The following EIF3A variants were observed in gnomAD, a reference collection of about 807,000 sequenced individuals.
EIF3A encodes EIF3, p180 subunit.
EIF3A carries 21 observed loss-of-function variants against 186.6 expected under a neutral mutation model. The ratio of observed to expected loss-of-function variants is 0.11; its 90% CI spans 0.08 to 0.16. The LOEUF (loss-of-function observed/expected upper bound fraction) is 0.16. Among genes scored for constraint, EIF3A ranks in the 10% least tolerant of loss-of-function variants. The pLI is 1.00. For missense variants in EIF3A, 1,306 were observed against 1,796.3 expected (o/e 0.73, Z 4.93); for synonymous variants, 563 against 584.3 (o/e 0.96, Z 0.52).
In EIF3A at chr10:119,057,945, A is replaced by C; in HGVS notation, c.1977+11T>G. ...TAAAACTAATTTTTTAATAACTAAG[A>C]TGCTACGTACTTCAATATCAATATC... is the stretch of plus-strand genomic sequence containing the variant. On this transcript the variant is annotated intron_variant, in intron 12 of 21. Coordinates refer to ENST00000369144, the MANE Select transcript of EIF3A (RefSeq NM_003750.4). 1 of 1,601,318 alleles carries C rather than the reference A, an allele frequency of 6.2e-7. No individual in the cohort carries two copies. Among genetic ancestry groups the C allele is most frequent in the Non-Finnish European group, 8.5e-7 (1 of 1,172,490 alleles).
chr10:119,068,752 G>A (rs553927959), intron 6 of EIF3A, among the ~76,000 whole-genome samples: 39 of 152,078 alleles, frequency 2.6e-4, no homozygotes, highest in African/African-American at 9.4e-4. Context: ...GAGGCAGGTG[G>A]ATCATGAGGT....
At chr10:119,071,221 T>C (rs1401133688) in intron 4 of EIF3A, 136 bp from the exon 5 acceptor site, 7 of 674,108 alleles carry the variant, frequency 1.0e-5, no homozygotes, top group Admixed American at 2.5e-5. Context: ...TGTGATGCAA[T>C]GAGAATCAAC....
rs1014028323 is a variant in EIF3A, at chr10:119,044,135, C to T, written c.2666G>A (p.Arg889His). ...GDSSLSRKDS[R>H]WGDRDSEGTW... ...GCCTTCTGAATCTCTATCTCCCCAA[C>T]GAGAGTCCTCCATTGACAAAGTGAA... Residue 889 changes from arginine (R) to histidine (H), a missense_variant, in exon 18 of 22, where the codon CGT becomes CAT. Physicochemically the swap from Arg to His is conservative, Grantham distance 29. This residue lies in a region of EIF3A where 410 missense variants were observed against 473.5 expected (regional missense o/e 0.87). Transcript: ENST00000369144. The T allele has an allele frequency of 3.0e-5, 48 of 1,611,330 alleles. No individual in the cohort carries two copies. Among genetic ancestry groups the T allele is most frequent in the East Asian group, 1.1e-4 (5 of 44,888 alleles).
intron 12 of EIF3A, 140 bp from the exon 13 acceptor site, chr10:119,057,180 T>C (rs529462541): frequency 2.7e-5 from 16 of 603,400 alleles, no homozygotes; most frequent in East Asian, 1.9e-4. Context: ...AAAAATATTA[T>C]ACAATAGCCT....
At chr10:119,072,859 A>T (rs1307653399) in intron 4 of EIF3A, 31 bp downstream of exon 4, 1 of 1,584,048 alleles carries the variant, frequency 6.3e-7, no homozygotes, top group East Asian at 2.3e-5. Context: ...ATTTCAAAGC[A>T]CTTCACTCAG....
intron 9 of EIF3A, among the ~76,000 whole-genome samples, chr10:119,060,439 G>A (rs1843866691): frequency 6.6e-6 from 1 of 152,042 alleles, no homozygotes; most frequent in Non-Finnish European, 1.5e-5. Context: ...AAAAAATCTA[G>A]GAATACAGGT....
chr10:119,035,904 C>G lies in EIF3A; in HGVS notation c.*135G>C. 1.5e-6 allele frequency: 1 copy of G among 679,886 alleles called. No individual in the cohort carries two copies. Among genetic ancestry groups the G allele is most frequent in the Non-Finnish European group, 2.5e-6 (1 of 396,402 alleles). The allele number at this position is 679,886 out of a possible 1,614,324, so 42.1% of individuals were successfully genotyped here. Reference sequence around the variant, plus strand: ...ATCAATCTATTATATAGGATTAATACAAGTTCATGCTTTTTGTGTTATGGT... The same window carrying G: ...ATCAATCTATTATATAGGATTAATAGAAGTTCATGCTTTTTGTGTTATGGT... On this transcript the variant is annotated 3_prime_UTR_variant, in exon 22 of 22. Transcript: ENST00000369144.
intron 17 of EIF3A, among the ~76,000 whole-genome samples, chr10:119,045,684 A>AC: frequency 6.6e-6 from 1 of 152,210 alleles, no homozygotes; most frequent in East Asian, 1.9e-4. Context: ...ACTCCCTCCC[A>AC]CCTCAGTTTC....
intron 1 of EIF3A, among the ~76,000 whole-genome samples, chr10:119,079,932 T>C (rs1844235782): frequency 6.6e-6 from 1 of 152,102 alleles, no homozygotes; most frequent in South Asian, 2.1e-4. Flanking sequence ...TATTCCAACT[T>C]CCAGTGATTC....
chr10:119,042,130 C>G lies in EIF3A; in HGVS notation c.3390G>C (p.Arg1130Ser). The change falls in exon 19 of 22, where the codon AGG (arginine) becomes AGC (serine). Residue 1130 changes from arginine to serine, a missense_variant. Physicochemically the swap from Arg to Ser is moderately radical, Grantham distance 110. This residue lies in a region of EIF3A where 331 missense variants were observed against 365.8 expected (regional missense o/e 0.90). Transcript: ENST00000369144. This position sits in a 1 kb window ranked among gnomAD's most constrained non-coding sequence, Gnocchi z 7.8. The stretch of plus-strand genomic sequence containing the variant: ...GGCCCCTGTCATCCTCTGCACCACG[C>G]CTGGGAATTCTGTCATCATCGGCGT... ...WRNADDDRIP[R>S]RGAEDDRGPW... The G allele has an allele frequency of 6.2e-7, 1 of 1,614,200 alleles. No homozygotes were observed. Among genetic ancestry groups the G allele is most frequent in the Non-Finnish European group, 8.5e-7 (1 of 1,180,034 alleles).
chr10:119,080,145 T>C (rs966856900), intron 1 of EIF3A, among the ~76,000 whole-genome samples: 3 of 151,804 alleles, frequency 2.0e-5, no homozygotes, highest in African/African-American at 7.3e-5. Context: ...AGGCCGGGGG[T>C]GGGTCCGTAG....
intron 17 of EIF3A, 40 bp downstream of exon 17, chr10:119,049,761 C>A: frequency 1.3e-6 from 2 of 1,547,276 alleles, no homozygotes; most frequent in Admixed American, 1.9e-5. Context: ...AAAAAAAAGT[C>A]ACATTAAAAC....
In EIF3A at chr10:119,069,433, A is replaced by G. The variant is rs750392382; in HGVS notation, c.950+13T>C. The G allele has an allele frequency of 8.3e-6, 10 of 1,206,372 alleles. No homozygotes were observed. Among genetic ancestry groups the G allele is most frequent in the South Asian group, 2.4e-5 (2 of 82,288 alleles). 74.7% of individuals were successfully genotyped at this position (1,206,372 alleles called of 1,614,324 possible). A position where few individuals can be genotyped will look rare whatever the true frequency, so the allele number is the denominator to read the frequency against. Reference sequence around the variant, plus strand: ...TACAGAATTTCAACATTATCCAAGTATAACATTTTTACCTTTGCATCTCAT... The same window carrying G: ...TACAGAATTTCAACATTATCCAAGTGTAACATTTTTACCTTTGCATCTCAT... On this transcript the variant is annotated intron_variant, in intron 6 of 21. Transcript: ENST00000369144.
chr10:119,071,185 G>T (rs941682191), intron 4 of EIF3A, 100 bp from the exon 5 acceptor site: 2 of 846,304 alleles, frequency 2.4e-6, no homozygotes, highest in African/African-American at 3.4e-5. Context: ...GTTTTAACAG[G>T]ATTCACCAAA....
At chr10:119,071,437 T>C (rs1397507790) in intron 4 of EIF3A, among the ~76,000 whole-genome samples, 2 of 152,168 alleles carry the variant, frequency 1.3e-5, no homozygotes, top group African/African-American at 4.8e-5. Context: ...AACTTTGATA[T>C]CTAACTTACA....
chr10:119,050,712 C>A (rs950226122), intron 15 of EIF3A, 38 bp from the exon 16 acceptor site: 1 of 1,611,138 alleles, frequency 6.2e-7, no homozygotes, highest in African/African-American at 1.3e-5. Flanking sequence ...AAAGGGCACA[C>A]TTTGTCAAGA....
At chr10:119,065,809 T>G (rs1378907089) in intron 6 of EIF3A, among the ~76,000 whole-genome samples, 3 of 152,182 alleles carry the variant, frequency 2.0e-5, no homozygotes, top group Admixed American at 2.0e-4. Flanking sequence ...GTCAGTGTTT[T>G]CTAGCTTCAG....
intron 1 of EIF3A, among the ~76,000 whole-genome samples, chr10:119,080,082 G>A (rs1844237949): frequency 6.6e-6 from 1 of 152,250 alleles, no homozygotes; most frequent in African/African-American, 2.4e-5. Flanking sequence ...GTAAGTGGAC[G>A]CCGACCCAGC....
rs142668621 is a variant in EIF3A, at chr10:119,079,243, G to A, written c.49+1385C>T. Among the ~76,000 whole-genome samples the A allele has an allele frequency of 5.5e-3, 841 of 152,172 alleles. 11 individuals carry two copies. Among genetic ancestry groups the A allele is most frequent in the Non-Finnish European group, 4.9e-3 (334 of 68,004 alleles). ...CACATCTATGTTGTAGTTTCAATAG[G>A]TTTTTAAAACAATTACTCCATTCCA... On this transcript the variant is annotated intron_variant, in intron 1 of 21. Transcript: ENST00000369144.
Sources: allele counts gnomAD v4.1 joint callset (sites outside exome capture counted in the v4.1 genomes callset), GRCh38; gene constraint gnomAD v4.1.1; regional missense constraint gnomAD v4.1.1; non-coding constraint Gnocchi (gnomAD v3.1); transcripts MANE v1.5; gene names NCBI Gene and HGNC (gene_info 2026-07-23, HGNC 2026-07-21).